Variants in BMPR1A observed in about 807,000 individuals in gnomAD.
The protein encoded by BMPR1A is bone morphogenetic protein receptor type-1A.
In BMPR1A, 7 loss-of-function variants were observed where a neutral mutation model predicts 66.0. That is an observed-to-expected ratio of 0.11 (90% CI 0.06 to 0.20). The LOEUF (loss-of-function observed/expected upper bound fraction) is 0.20, where lower values mean the gene tolerates loss of function less well. Ranked by LOEUF, BMPR1A falls within the 10% of genes least tolerant of loss-of-function variation. The pLI, the probability that BMPR1A is intolerant of heterozygous loss-of-function variation, is 1.00. For missense variants in BMPR1A, 408 were observed against 669.1 expected, an observed-to-expected ratio of 0.61 and a Z score of 4.31; for synonymous variants, 200 against 229.7, an observed-to-expected ratio of 0.87 and a Z score of 1.17.
intron 7 of BMPR1A, among the ~76,000 whole-genome samples, chr10:86,906,210 A>T (rs1466344739): frequency 1.3e-5 from 2 of 152,156 alleles, no homozygotes; most frequent in Non-Finnish European, 2.9e-5. Flanking sequence ...GCCTTCTGAC[A>T]TACATTTTAT....
chr10:86,838,231 A>AAAT (rs533373995), intron 1 of BMPR1A, among the ~76,000 whole-genome samples: 2,515 of 152,170 alleles, frequency 0.017, 76 homozygotes, highest in African/African-American at 0.058. Context: ...CTTGTCTCAA[A>AAAT]AATAATAATA....
At chr10:86,868,778 G>GTTTT (rs55872033) in intron 2 of BMPR1A, among the ~76,000 whole-genome samples, 1 of 141,046 alleles carries the variant, frequency 7.1e-6, no homozygotes, top group South Asian at 2.2e-4. Flanking sequence ...CTTTTCCTGT[G>GTTTT]TTTTTTTTTT....
chr10:86,911,007 T>C (rs1269069004), intron 7 of BMPR1A, among the ~76,000 whole-genome samples: 1 of 151,894 alleles, frequency 6.6e-6, no homozygotes, highest in East Asian at 1.9e-4. Context: ...ATACAAAAAT[T>C]AGCCAGGCGT....
At chr10:86,790,476 A>T (rs1333254895) in intron 1 of BMPR1A, among the ~76,000 whole-genome samples, 2 of 151,942 alleles carry the variant, frequency 1.3e-5, no homozygotes, top group Admixed American at 6.6e-5. Flanking sequence ...CATTAAAAAC[A>T]TGTTCACACA....
intron 3 of BMPR1A, among the ~76,000 whole-genome samples, chr10:86,878,837 G>T (rs1014969409): frequency 1.3e-5 from 2 of 152,184 alleles, no homozygotes; most frequent in African/African-American, 4.8e-5. Flanking sequence ...AGGGCTGGGT[G>T]TGTTGTTCCC....
chr10:86,773,887 T>G (rs1841305480), intron 1 of BMPR1A, among the ~76,000 whole-genome samples: 1 of 150,740 alleles, frequency 6.6e-6, no homozygotes, highest in South Asian at 2.1e-4. Context: ...AGTCTTACTC[T>G]GTCGCCAGGC....
intron 1 of BMPR1A, among the ~76,000 whole-genome samples, chr10:86,810,699 A>G (rs754572710): frequency 7.2e-5 from 11 of 152,204 alleles, no homozygotes; most frequent in Non-Finnish European, 1.6e-4. Flanking sequence ...GCTCATATGC[A>G]TATGTTCTTT....
intron 3 of BMPR1A, among the ~76,000 whole-genome samples, chr10:86,887,099 C>T (rs1007565525): frequency 3.3e-5 from 5 of 152,096 alleles, no homozygotes; most frequent in African/African-American, 1.2e-4. Context: ...TCCCAAAGTG[C>T]TGGGATTACA....
intron 2 of BMPR1A, among the ~76,000 whole-genome samples, chr10:86,847,371 C>T (rs560316625): frequency 9.2e-5 from 14 of 152,082 alleles, no homozygotes; most frequent in South Asian, 6.2e-4. Flanking sequence ...TTTCCAGTCT[C>T]GGTGTCACAG....
intron 5 of BMPR1A, among the ~76,000 whole-genome samples, chr10:86,898,197 A>G (rs943669714): frequency 6.6e-6 from 1 of 152,062 alleles, no homozygotes; most frequent in African/African-American, 2.4e-5. Flanking sequence ...CACCACACCC[A>G]GTTTAAAGTC....
In BMPR1A at chr10:86,926,077, C is replaced by T. The variant is rs1388662761; in HGVS notation, c.*2358C>T. On this transcript the variant is annotated 3_prime_UTR_variant, in exon 13 of 13. Coordinates refer to ENST00000372037, the MANE Select transcript of BMPR1A (RefSeq NM_004329.3). ...GTGTGTGGAAGCAAAAAATTACAGCCAGTATATGAGACCACTATTATGGTT... is the reference window on the plus strand; with the variant it reads ...GTGTGTGGAAGCAAAAAATTACAGCTAGTATATGAGACCACTATTATGGTT... 2 of 155,018 alleles carry T rather than the reference C, an allele frequency of 1.3e-5. No homozygotes were observed. The highest frequency in any genetic ancestry group is 6.9e-5 in the African/African-American group (2 of 28,992). 9.6% of individuals were successfully genotyped at this position (155,018 alleles called of 1,614,324 possible). A position where few individuals can be genotyped will look rare whatever the true frequency, so the allele number is the denominator to read the frequency against.
chr10:86,902,810 A>C (rs570595708), intron 7 of BMPR1A, among the ~76,000 whole-genome samples: 11 of 152,336 alleles, frequency 7.2e-5, no homozygotes, highest in Non-Finnish European at 1.5e-4. Context: ...CAGTTCGAAG[A>C]GTTGTGAGGA....
chr10:86,765,098 C>A (rs1841140890), intron 1 of BMPR1A, among the ~76,000 whole-genome samples: 1 of 152,060 alleles, frequency 6.6e-6, no homozygotes, highest in Non-Finnish European at 1.5e-5. Context: ...TTAAATGTGG[C>A]AACTAGAAAG....
In BMPR1A at chr10:86,925,369, G is replaced by A. The variant is rs1843725320; in HGVS notation, c.*1650G>A. On this transcript the variant is annotated 3_prime_UTR_variant, in exon 13 of 13. Transcript: ENST00000372037. Reference sequence around the variant, plus strand: ...CAAAAAGGTTTAAATTAAATGGGAGGAAATCAGCATATGTCCACCCATTAC... The same window carrying A: ...CAAAAAGGTTTAAATTAAATGGGAGAAAATCAGCATATGTCCACCCATTAC... 4.5e-6 allele frequency: 1 copy of A among 219,976 alleles called. No individual in the cohort carries two copies. Among genetic ancestry groups the A allele is most frequent in the African/African-American group, 2.2e-5 (1 of 44,564 alleles). 13.6% of individuals were successfully genotyped at this position (219,976 alleles called of 1,614,324 possible).
chr10:86,811,039 T>C (rs998510487), intron 1 of BMPR1A, among the ~76,000 whole-genome samples: 1 of 152,160 alleles, frequency 6.6e-6, no homozygotes, highest in South Asian at 2.1e-4. Context: ...TTTTGGTTTT[T>C]TTGTTTGTTT....
intron 1 of BMPR1A, among the ~76,000 whole-genome samples, chr10:86,778,828 T>G (rs1841394177): frequency 6.6e-6 from 1 of 151,818 alleles, no homozygotes; most frequent in Admixed American, 6.6e-5. Context: ...TGAGAACATG[T>G]GGTGATTAAC....
intron 10 of BMPR1A, among the ~76,000 whole-genome samples, chr10:86,920,102 C>G (rs1843640287): frequency 6.6e-6 from 1 of 152,126 alleles, no homozygotes; most frequent in African/African-American, 2.4e-5. Flanking sequence ...AACTGATGAA[C>G]ATTAAAGGTG....
intron 3 of BMPR1A, among the ~76,000 whole-genome samples, chr10:86,887,963 G>C (rs943602935): frequency 7.2e-5 from 11 of 152,054 alleles, no homozygotes; most frequent in Admixed American, 2.0e-4. Context: ...TTCCCTTCCT[G>C]TACCTCCTGC....
chr10:86,923,175 T>A (rs1250678609), intron 11 of BMPR1A, among the ~76,000 whole-genome samples: 3 of 152,220 alleles, frequency 2.0e-5, no homozygotes, highest in Non-Finnish European at 2.9e-5. Flanking sequence ...TGTGATGACA[T>A]CCCTGGTGGA....
Sources: allele counts gnomAD v4.1 joint callset (sites outside exome capture counted in the v4.1 genomes callset), GRCh38; gene constraint gnomAD v4.1.1; transcripts MANE v1.5; gene names NCBI Gene and HGNC (gene_info 2026-07-23, HGNC 2026-07-21).